LRRC37A2: variants seen among roughly 807,000 people sequenced by gnomAD.
LRRC37A2 encodes leucine rich repeat containing 37 member A2.
Under a neutral mutation model 68.8 loss-of-function variants are expected in LRRC37A2, and 9 were observed. The ratio of observed to expected loss-of-function variants is 0.13; its 90% confidence interval spans 0.08 to 0.23. The LOEUF is 0.23. LRRC37A2 is among the 10% of genes least tolerant of loss of function. LRRC37A2 has a pLI of 1.00. For synonymous variants in LRRC37A2, 63 were observed against 367.6 expected (o/e 0.17, Z 9.48); for missense variants, 168 against 950.4 (o/e 0.18, Z 10.82).
the LRRC37A2 span, among the ~76,000 whole-genome samples, chr17:46,984,362 TC>T: frequency 4.6e-5 from 7 of 151,954 alleles, no homozygotes; most frequent in Non-Finnish European, 8.8e-5. Flanking sequence ...GGGGAAAGAC[TC>T]CCCCGAGCCG....
the LRRC37A2 span, chr17:46,938,685 G>A: frequency 6.2e-7 from 1 of 1,613,748 alleles, no homozygotes; most frequent in Non-Finnish European, 8.5e-7. Flanking sequence ...GGGCTTTCCA[G>A]GACAAGTACT....
At chr17:46,979,650 T>G in the LRRC37A2 span, among the ~76,000 whole-genome samples, 1 of 151,992 alleles carries the variant, frequency 6.6e-6, no homozygotes, top group African/African-American at 2.4e-5. Context: ...TGGCCCCGGG[T>G]CTCCTGGGCG....
chr17:46,716,065 A>G, the LRRC37A2 span, among the ~76,000 whole-genome samples: 1 of 152,196 alleles, frequency 6.6e-6, no homozygotes, highest in Non-Finnish European at 1.5e-5. Flanking sequence ...GTTTCTTAGA[A>G]ATATATTAGA....
the LRRC37A2 span, among the ~76,000 whole-genome samples, chr17:46,890,558 T>A: frequency 6.6e-6 from 1 of 152,170 alleles, no homozygotes. Context: ...TCACTCCATT[T>A]GAGAATTCCC....
chr17:46,737,923 T>TTAC, the LRRC37A2 span, among the ~76,000 whole-genome samples: 1 of 12,294 alleles, frequency 8.1e-5, no homozygotes, highest in East Asian at 1.6e-3. Flanking sequence ...ATTATTATTA[T>TTAC]TATTATTATT....
the LRRC37A2 span, among the ~76,000 whole-genome samples, chr17:46,946,093 C>G: frequency 6.6e-6 from 1 of 151,964 alleles, no homozygotes; most frequent in Non-Finnish European, 1.5e-5. Context: ...CTTAGGCCAC[C>G]TGGGAATCAA....
chr17:46,498,800 C>T, the LRRC37A2 span, among the ~76,000 whole-genome samples: 1 of 149,404 alleles, frequency 6.7e-6, no homozygotes, highest in Admixed American at 6.6e-5. Flanking sequence ...GGTTGTTTCT[C>T]CTCTTAAGCT....
the LRRC37A2 span, among the ~76,000 whole-genome samples, chr17:47,020,860 C>G: frequency 7.1e-6 from 1 of 141,500 alleles, no homozygotes; most frequent in Non-Finnish European, 1.5e-5. Context: ...TAATTAAGTA[C>G]TAAAAGATAA....
chr17:46,722,861 G>A, the LRRC37A2 span, among the ~76,000 whole-genome samples: 22 of 152,306 alleles, frequency 1.4e-4, no homozygotes, highest in African/African-American at 5.3e-4. Context: ...AACTGGAATT[G>A]CACAGCCTTC....
chr17:46,980,358 CT>C, the LRRC37A2 span, among the ~76,000 whole-genome samples: 98 of 58,834 alleles, frequency 1.7e-3, no homozygotes, highest in African/African-American at 5.6e-3. Context: ...CTTCCTTCTT[CT>C]TTCTTTCTCT....
the LRRC37A2 span, chr17:46,872,799 G>GT: frequency 7.6e-6 from 10 of 1,313,994 alleles, no homozygotes; most frequent in Non-Finnish European, 9.7e-6. Flanking sequence ...AGGGGACGGG[G>GT]AGGGCTGGGG....
chr17:46,843,903 G>C, the LRRC37A2 span, among the ~76,000 whole-genome samples: 1 of 152,210 alleles, frequency 6.6e-6, no homozygotes, highest in Non-Finnish European at 1.5e-5. Context: ...TTTAGCACCA[G>C]ATGCTTATTC....
chr17:46,880,945 AG>A, the LRRC37A2 span, among the ~76,000 whole-genome samples: 4 of 152,204 alleles, frequency 2.6e-5, no homozygotes, highest in Non-Finnish European at 5.9e-5. Context: ...GAAGCCAACC[AG>A]GGGCCTTCAG....
the LRRC37A2 span, among the ~76,000 whole-genome samples, chr17:46,926,045 A>AGC: frequency 6.6e-5 from 10 of 152,340 alleles, no homozygotes; most frequent in Admixed American, 6.5e-4. Context: ...GGACACAAGA[A>AGC]GCACTACATT....
At chr17:46,978,699 CACCAGA>C in the LRRC37A2 span, 3 of 1,611,806 alleles carry the variant, frequency 1.9e-6, no homozygotes, top group Admixed American at 1.7e-5. Flanking sequence ...GGCGCTCCTG[CACCAGA>C]AAGTTGATCA....
chr17:46,955,932 C>T, the LRRC37A2 span, among the ~76,000 whole-genome samples: 5 of 152,240 alleles, frequency 3.3e-5, no homozygotes, highest in South Asian at 2.1e-4. Flanking sequence ...TTCCTGAGGG[C>T]GAAGACTCTA....
the LRRC37A2 span, chr17:46,818,746 G>C: frequency 1.2e-6 from 1 of 805,946 alleles, no homozygotes; most frequent in Non-Finnish European, 2.1e-6. Flanking sequence ...CCCCTCCCGA[G>C]CCCAGCGCGG....
chr17:47,007,937 T>C, the LRRC37A2 span: 7 of 152,290 alleles, frequency 4.6e-5, 1 homozygote, highest in South Asian at 1.5e-3. Context: ...TACTCTTAAA[T>C]TTGTATCTAT....
chr17:46,781,927 C>T, the LRRC37A2 span, among the ~76,000 whole-genome samples: 1 of 152,186 alleles, frequency 6.6e-6, no homozygotes, highest in Non-Finnish European at 1.5e-5. Context: ...GAGGAGAACC[C>T]AGGGCTCACA....
Sources: gnomAD v4.1 joint callset for allele counts (sites outside exome capture counted in the v4.1 genomes callset) on GRCh38, gnomAD v4.1.1 for gene constraint, MANE v1.5 for transcripts, NCBI Gene and HGNC (gene_info 2026-07-23, HGNC 2026-07-21) for gene names.